DMD: variants seen among roughly 807,000 people sequenced by gnomAD.
DMD encodes dystrophin, also known as mutant dystrophin.
A neutral mutation model predicts 330.1 loss-of-function variants in DMD; 63 were observed. The ratio of observed to expected loss-of-function variants is 0.19; its 90% CI spans 0.16 to 0.24. The LOEUF (loss-of-function observed/expected upper bound fraction) is 0.24, where lower values mean the gene tolerates loss of function less well. Ranked by LOEUF, DMD falls within the 10% of genes least tolerant of loss-of-function variation. The pLI is 1.00. For synonymous variants in DMD, 1,223 were observed against 959.8 expected (o/e 1.27, Z -5.07); for missense variants, 3,344 against 2,684.1 (o/e 1.25, Z -5.43).
At chrX:33,284,925 C>T (rs1480793262) in intron 1 of DMD, among the ~76,000 whole-genome samples, 1 of 107,753 alleles carries the variant, frequency 9.3e-6, no homozygotes, top group Non-Finnish European at 1.9e-5. Flanking sequence ...AAATGACTTC[C>T]TATTTCAGTG....
rs1350852330 is a variant in DMD, at chrX:32,456,201, T to C, written c.3433-1369A>G. Among the ~76,000 whole-genome samples the C allele has an allele frequency of 2.7e-5, 3 of 110,670 alleles. No homozygotes were observed. In the East Asian group the frequency reaches 8.5e-4, roughly 31 times the overall value. ...ACTATCGCATTGATTTTCCTTATAATTTACAACCATTTTGAGCCTAATATA... is the reference window on the plus strand; with the variant it reads ...ACTATCGCATTGATTTTCCTTATAACTTACAACCATTTTGAGCCTAATATA... On this transcript the variant is annotated intron_variant, in intron 25 of 78. Coordinates refer to ENST00000357033, the MANE Select transcript of DMD (RefSeq NM_004006.3).
chrX:31,506,113 G>A (rs746182420), intron 56 of DMD, among the ~76,000 whole-genome samples: 20 of 112,145 alleles, frequency 1.8e-4, no homozygotes, highest in Non-Finnish European at 3.2e-4. Flanking sequence ...ATGGCATTGC[G>A]TGGTATGTAG....
chrX:31,711,520 A>G, intron 52 of DMD, among the ~76,000 whole-genome samples: 1 of 111,802 alleles, frequency 8.9e-6, no homozygotes, highest in Admixed American at 9.5e-5. Flanking sequence ...TAAAGCATCA[A>G]GAAAGTTCAC....
chrX:32,070,188 C>T (rs989706153), intron 44 of DMD, among the ~76,000 whole-genome samples: 57 of 110,934 alleles, frequency 5.1e-4, no homozygotes, highest in African/African-American at 1.7e-3. Context: ...AGGAAGCAGG[C>T]GCTCTCCCCA....
chrX:31,996,366 C>A (rs915762425), intron 44 of DMD, among the ~76,000 whole-genome samples: 2 of 111,437 alleles, frequency 1.8e-5, no homozygotes, highest in Admixed American at 9.5e-5. Flanking sequence ...CTAATTTAGT[C>A]TCCAAACACT....
intron 2 of DMD, among the ~76,000 whole-genome samples, chrX:33,008,941 CGT>C (rs2093476999): frequency 1.3e-5 from 1 of 79,710 alleles, no homozygotes; most frequent in South Asian, 4.9e-4. Flanking sequence ...TATATACACA[CGT>C]ATATATACGT....
intron 39 of DMD, among the ~76,000 whole-genome samples, 188 bp downstream of exon 39, chrX:32,345,755 T>A (rs1299341121): frequency 2.7e-5 from 3 of 111,104 alleles, no homozygotes; most frequent in Admixed American, 9.6e-5. Context: ...AAGCCATAAC[T>A]TTTAAGCAAC....
At position 33,051,212 on chromosome X, in the gene DMD, C is replaced by CTT. The variant is rs60096455; in HGVS notation, c.32-31014_32-31013dup. The stretch of plus-strand genomic sequence containing the variant: ...ATCTTCACTATCTCAACTGACTTTT[C>CTT]TTTTTTTTTTTTTTTTTGAGACTGA... On this transcript the variant is annotated intron_variant, in intron 1 of 78. Coordinates refer to ENST00000357033, the MANE Select transcript of DMD (RefSeq NM_004006.3). Among the ~76,000 whole-genome samples the CTT allele has an allele frequency of 2.0e-3, 179 of 90,048 alleles. 2 individuals carry two copies. In the East Asian group the frequency reaches 0.028, roughly 14 times the overall value. The allele number at this position is 90,048 out of a possible 115,157, so 78.2% of individuals were successfully genotyped here. A position where few individuals can be genotyped will look rare whatever the true frequency, so the allele number is the denominator to read the frequency against.
At chrX:32,779,595 G>T (rs2074507861) in intron 7 of DMD, among the ~76,000 whole-genome samples, 1 of 106,373 alleles carries the variant, frequency 9.4e-6, no homozygotes, top group African/African-American at 3.4e-5. Flanking sequence ...GCGGTGTTTG[G>T]TTTTTTATCC....
chrX:31,374,930 C>T (rs1366251644), intron 60 of DMD, among the ~76,000 whole-genome samples: 1 of 111,585 alleles, frequency 9.0e-6, no homozygotes, highest in Non-Finnish European at 1.9e-5. Context: ...CATGCATGGG[C>T]CACCTGCTGC....
chrX:33,161,347 G>A (rs762955451), intron 1 of DMD, among the ~76,000 whole-genome samples: 1 of 111,778 alleles, frequency 8.9e-6, no homozygotes, highest in African/African-American at 3.2e-5. Context: ...GGAACAGAGA[G>A]GTTAAATAAT....
intron 55 of DMD, among the ~76,000 whole-genome samples, chrX:31,535,700 A>G (rs909914681): frequency 3.6e-4 from 40 of 111,681 alleles, no homozygotes; most frequent in African/African-American, 9.1e-4. Flanking sequence ...TCCCCCTCCA[A>G]TCTTCCAAGT....
intron 13 of DMD, among the ~76,000 whole-genome samples, 180 bp downstream of exon 13, chrX:32,595,577 T>A (rs1348520247): frequency 8.9e-6 from 1 of 112,275 alleles, no homozygotes; most frequent in Non-Finnish European, 1.9e-5. Flanking sequence ...TACTATTGTA[T>A]CAGAATTATG....
At chrX:31,333,248 T>C (rs2057233121) in intron 61 of DMD, among the ~76,000 whole-genome samples, 1 of 111,178 alleles carries the variant, frequency 9.0e-6, no homozygotes, top group Non-Finnish European at 1.9e-5. Flanking sequence ...TCTTGTTTAA[T>C]TTCAATTGTT....
chrX:32,726,549 G>C (rs948655754), intron 7 of DMD, among the ~76,000 whole-genome samples: 2 of 111,221 alleles, frequency 1.8e-5, no homozygotes, highest in African/African-American at 6.5e-5. Context: ...TTTACTCTTT[G>C]TAATAAAATT....
At chrX:32,219,525 A>T (rs924666060) in intron 43 of DMD, among the ~76,000 whole-genome samples, 5 of 110,877 alleles carry the variant, frequency 4.5e-5, no homozygotes, top group African/African-American at 1.3e-4. Context: ...ATAATTTAAA[A>T]TTTTTTTTTA....
Position 32,491,401 on chromosome X carries a change from A to G in DMD, c.2498T>C (p.Ile833Thr). Residue 833 changes from isoleucine (I) to threonine (T), a missense_variant, in exon 20 of 79, where the codon ATC becomes ACC. Physicochemically the swap from Ile to Thr is moderately conservative, Grantham distance 89. Transcript: ENST00000357033. Reference sequence around the variant, plus strand: ...TTGTTGTAGCTGATTATAGAAAGCGATGATGTTGTTCTGATACTCCAGCCA... The same window carrying G: ...TTGTTGTAGCTGATTATAGAAAGCGGTGATGTTGTTCTGATACTCCAGCCA... ...LNWLEYQNNI[I>T]AFYNQLQQLE... 8.3e-7 allele frequency: 1 copy of G among 1,211,970 alleles called. No homozygotes were observed. The highest frequency in any genetic ancestry group is 1.1e-6 in the Non-Finnish European group (1 of 895,570).
In DMD at chrX:33,173,423, G is replaced by A. The variant is rs575455663; in HGVS notation, c.31+37859C>T. On this transcript the variant is annotated intron_variant, in intron 1 of 78. Transcript: ENST00000357033. ...TTTATTTCCAAGTCTATGACTTGAT[G>A]TACAAAAACCTTTACACTGTATCGT... Among the ~76,000 whole-genome samples, 3 of 111,611 alleles carry A rather than the reference G, an allele frequency of 2.7e-5. No individual in the cohort carries two copies. The East Asian group carries it at 8.4e-4, about 31-fold the overall frequency.
chrX:31,305,357 A>T (rs1366525010), intron 62 of DMD, among the ~76,000 whole-genome samples: 1 of 111,764 alleles, frequency 8.9e-6, no homozygotes, highest in African/African-American at 3.2e-5. Flanking sequence ...ATGGAACACT[A>T]AAACTTGATT....
Sources: gnomAD v4.1 joint callset for allele counts (sites outside exome capture counted in the v4.1 genomes callset) on GRCh38, gnomAD v4.1.1 for gene constraint, MANE v1.5 for transcripts, NCBI Gene and HGNC (gene_info 2026-07-23, HGNC 2026-07-21) for gene names.